Variants in ANK3 observed in about 807,000 individuals in gnomAD.
ANK3 encodes the protein ankyrin-3.
A neutral mutation model predicts 370.9 loss-of-function variants in ANK3; 57 were observed. The observed-to-expected ratio is 0.15, with a 90% CI of 0.12 to 0.19. The LOEUF (loss-of-function observed/expected upper bound fraction) is 0.19. Among genes scored for constraint, ANK3 ranks in the 10% least tolerant of loss-of-function variants. The probability of loss-of-function intolerance (pLI) is 1.00; values close to 1 mark genes in which losing one functional copy is unlikely to be tolerated. For missense variants in ANK3, 4,439 were observed against 5,302.1 expected, an observed-to-expected ratio of 0.84 and a Z score of 5.06; for synonymous variants, 1,929 against 1,946.3, an observed-to-expected ratio of 0.99 and a Z score of 0.23.
intron 2 of ANK3, among the ~76,000 whole-genome samples, chr10:60,451,451 C>T (rs1405293938): frequency 6.6e-6 from 1 of 152,174 alleles, no homozygotes; most frequent in South Asian, 2.1e-4. Flanking sequence ...AGTCTTCTGG[C>T]AGCTGGTCTA....
chr10:60,306,428 CATATAT>C (rs753175801), intron 1 of ANK3, among the ~76,000 whole-genome samples: 8 of 112,056 alleles, frequency 7.1e-5, no homozygotes, highest in East Asian at 3.5e-4. Context: ...GGTGTATGTG[CATATAT>C]ATATATATAT....
At chr10:60,695,441 A>G (rs1194054395) in intron 1 of ANK3, among the ~76,000 whole-genome samples, 12 of 152,144 alleles carry the variant, frequency 7.9e-5, no homozygotes, top group Non-Finnish European at 8.8e-5. Flanking sequence ...AAATCAACAG[A>G]ATATACATTT....
chr10:60,390,261 T>G (rs1206320789), upstream of ANK3, among the ~76,000 whole-genome samples: 3 of 152,220 alleles, frequency 2.0e-5, no homozygotes, highest in African/African-American at 7.2e-5. Flanking sequence ...TGGGGAGGAC[T>G]ACAGAAGGGC....
Position 60,196,627 on chromosome 10 carries a change from TG to T in ANK3, c.1690-3del. The T allele has an allele frequency of 6.7e-7, 1 of 1,501,342 alleles. No homozygotes were observed. The highest frequency in any genetic ancestry group is 8.9e-7 in the Non-Finnish European group (1 of 1,119,222). The allele number at this position is 1,501,342 out of a possible 1,614,324, so 93.0% of individuals were successfully genotyped here. A position where few individuals can be genotyped will look rare whatever the true frequency, so the allele number is the denominator to read the frequency against. On this transcript the variant is annotated splice_polypyrimidine_tract_variant and splice_region_variant and intron_variant, in intron 14 of 43. Transcript: ENST00000280772. The stretch of plus-strand genomic sequence containing the variant: ...CACATGAAGAGGAGTAAATCCTTTC[TG>T]AAAAAAAAAAAACATAAAAATAATG...
In ANK3 at chr10:60,088,398, A is replaced by C. The variant is rs1358953247; in HGVS notation, c.3329-40T>G. 1.9e-6 allele frequency: 3 copies of C among 1,545,370 alleles called. No homozygotes were observed. The Middle Eastern group carries it at 5.2e-4, about 266-fold the overall frequency. ...GAAAGAAAATGCCATGAGAATAAGCATATCTACAACATACCTTAAGTCAAA... is the reference window on the plus strand; with the variant it reads ...GAAAGAAAATGCCATGAGAATAAGCCTATCTACAACATACCTTAAGTCAAA... On this transcript the variant is annotated intron_variant, in intron 28 of 43. Transcript: ENST00000280772.
chr10:60,374,241 T>C (rs2060483216), intron 1 of ANK3, among the ~76,000 whole-genome samples: 2 of 152,104 alleles, frequency 1.3e-5, no homozygotes, highest in Admixed American at 1.3e-4. Context: ...CTTAGGGGCC[T>C]TGCCAACATT....
chr10:60,083,334 G>A (rs532387486), intron 33 of ANK3, among the ~76,000 whole-genome samples, 158 bp downstream of exon 33: 1 of 152,174 alleles, frequency 6.6e-6, no homozygotes, highest in Non-Finnish European at 1.5e-5. Flanking sequence ...TTACTGGCTT[G>A]AAAGTATACT....
At chr10:60,301,413 A>G (rs1172245978) in intron 1 of ANK3, among the ~76,000 whole-genome samples, 2 of 123,798 alleles carry the variant, frequency 1.6e-5, no homozygotes, top group Non-Finnish European at 3.3e-5. Flanking sequence ...CACAATATAC[A>G]TTTTTTTTTT....
At chr10:60,120,437 C>T (rs1414631250) in intron 25 of ANK3, among the ~76,000 whole-genome samples, 4 of 152,090 alleles carry the variant, frequency 2.6e-5, no homozygotes, top group African/African-American at 9.7e-5. Context: ...CCCACAAGCA[C>T]AGGCAACCAA....
Position 60,208,213 on chromosome 10 carries a change from G to A in ANK3, c.1017C>T (p.His339=). The change falls in exon 10 of 44, where the codon CAC becomes CAT. Residue 339 remains histidine, a synonymous_variant. Transcript: ENST00000280772. ...TTAAATGATCCCCTTGTGTGGCCATGTGCAATGGAGATAATCCATTCTGGA... is the reference window on the plus strand; with the variant it reads ...TTAAATGATCCCCTTGTGTGGCCATATGCAATGGAGATAATCCATTCTGGA... ...SKTKNGLSPL[H]MATQGDHLNC... 1 of 1,614,112 alleles carries A rather than the reference G, an allele frequency of 6.2e-7. No individual in the cohort carries two copies. Among genetic ancestry groups the A allele is most frequent in the Non-Finnish European group, 8.5e-7 (1 of 1,179,956 alleles).
chr10:60,586,650 A>C (rs886230033), intron 2 of ANK3, among the ~76,000 whole-genome samples: 1 of 152,274 alleles, frequency 6.6e-6, no homozygotes, highest in Middle Eastern at 3.4e-3. Context: ...TATATTGTAC[A>C]ATGTGTATTC....
chr10:60,133,168 T>A (rs185979195), intron 25 of ANK3, among the ~76,000 whole-genome samples: 12 of 152,372 alleles, frequency 7.9e-5, no homozygotes, highest in African/African-American at 2.9e-4. Context: ...CATTTATTCA[T>A]CTGCTCCAAT....
chr10:60,250,654 C>A (rs574837452), intron 7 of ANK3, among the ~76,000 whole-genome samples: 8 of 152,140 alleles, frequency 5.3e-5, no homozygotes, highest in Admixed American at 1.3e-4. Flanking sequence ...CATGAGCCAC[C>A]GCACCCGGCC....
chr10:60,501,718 A>G (rs894700168), intron 2 of ANK3, among the ~76,000 whole-genome samples: 2 of 151,784 alleles, frequency 1.3e-5, no homozygotes, highest in African/African-American at 4.8e-5. Context: ...AAAAAAAAAA[A>G]AAAAAGAAAA....
intron 2 of ANK3, among the ~76,000 whole-genome samples, chr10:60,454,213 C>G (rs2064686132): frequency 6.6e-6 from 1 of 152,016 alleles, no homozygotes; most frequent in Non-Finnish European, 1.5e-5. Context: ...AGAAACTTCT[C>G]AAGAACTGTG....
In ANK3 at chr10:60,069,924, T is replaced by C; in HGVS notation, c.10957A>G (p.Met3653Val). ...SGDQGEGDKS[M>V]VTATPQPQSG... is the part of the protein sequence containing the mutation. ...TGTGGCTGTGGTGTGGCAGTGACCATACTTTTATCCCCTTCCCCCTGGTCC... is the reference window on the plus strand; with the variant it reads ...TGTGGCTGTGGTGTGGCAGTGACCACACTTTTATCCCCTTCCCCCTGGTCC... The change falls in exon 37 of 44, where the codon ATG (methionine) becomes GTG (valine). Residue 3653 changes from methionine (M) to valine (V), a missense_variant. Around this residue, in one of 13 missense-constraint regions of ANK3, gnomAD observed 496 missense variants for 529.3 expected, o/e 0.94. Transcript: ENST00000280772. 2 of 1,614,012 alleles carry C rather than the reference T, an allele frequency of 1.2e-6. No homozygotes were observed. Among genetic ancestry groups the C allele is most frequent in the Non-Finnish European group, 8.5e-7 (1 of 1,179,968 alleles).
chr10:60,559,985 G>T (rs1028372182), intron 2 of ANK3, among the ~76,000 whole-genome samples: 5 of 152,092 alleles, frequency 3.3e-5, no homozygotes, highest in Admixed American at 2.0e-4. Flanking sequence ...AGAGGTTGCA[G>T]TGACCCAAAA....
In ANK3 at chr10:60,196,351, T is replaced by C. The variant is rs1288538977; in HGVS notation, c.1789-108A>G. ...GGATACGACATAGGGCATATTTACA[T>C]TCCGGTTTCCACAGTACTTGGACCC... On this transcript the variant is annotated intron_variant, in intron 15 of 43. Transcript: ENST00000280772. 3.0e-5 allele frequency: 32 copies of C among 1,081,750 alleles called. 1 individual carries two copies. Among genetic ancestry groups the C allele is most frequent in the Middle Eastern group, 4.0e-4 (2 of 5,048 alleles). 67.0% of individuals were successfully genotyped at this position (1,081,750 alleles called of 1,614,324 possible).
intron 23 of ANK3, among the ~76,000 whole-genome samples, chr10:60,152,037 T>C (rs2095145914): frequency 6.6e-6 from 1 of 152,188 alleles, no homozygotes; most frequent in Non-Finnish European, 1.5e-5. Flanking sequence ...GGTGAGAGTA[T>C]TAATTTACAT....
Sources: gnomAD v4.1 joint callset for allele counts (sites outside exome capture counted in the v4.1 genomes callset) on GRCh38, gnomAD v4.1.1 for gene constraint, gnomAD v4.1.1 regional missense constraint, MANE v1.5 for transcripts, NCBI Gene and HGNC (gene_info 2026-07-23, HGNC 2026-07-21) for gene names.